Variants in CCSER1 observed in about 807,000 individuals in gnomAD.
CCSER1 encodes the protein serine-rich coiled-coil domain-containing protein 1.
A neutral mutation model predicts 82.0 loss-of-function variants in CCSER1; 41 were observed. That is an observed-to-expected ratio of 0.50 (90% CI 0.39 to 0.65). CCSER1 has a LOEUF of 0.65. Ranked by LOEUF, CCSER1 falls within the 30% of genes least tolerant of loss-of-function variation. The pLI, the probability that CCSER1 is intolerant of heterozygous loss-of-function variation, is 0.00. For synonymous variants in CCSER1, 414 were observed against 383.9 expected, an observed-to-expected ratio of 1.08 and a Z score of -0.92; for missense variants, 1,119 against 1,064.2, an observed-to-expected ratio of 1.05 and a Z score of -0.72.
intron 10 of CCSER1, among the ~76,000 whole-genome samples, chr4:91,587,275 C>T (rs1246419399): frequency 1.3e-5 from 2 of 151,738 alleles, no homozygotes; most frequent in Non-Finnish European, 2.9e-5. Context: ...AACATCAGGA[C>T]CTTTCAACAT....
In CCSER1 at chr4:90,807,080, C is replaced by T. The variant is rs1358049505; in HGVS notation, c.2011-8682C>T. On this transcript the variant is annotated intron_variant, in intron 7 of 10. Coordinates refer to ENST00000509176, the MANE Select transcript of CCSER1 (RefSeq NM_001145065.2). Reference sequence around the variant, plus strand: ...TAAGGTGGTTATAGTTTGGTGTCATCATCAACCTCCACAGAAATTTCCATG... The same window carrying T: ...TAAGGTGGTTATAGTTTGGTGTCATTATCAACCTCCACAGAAATTTCCATG... Among the ~76,000 whole-genome samples the T allele has an allele frequency of 2.6e-5, 4 of 152,160 alleles. No individual in the cohort carries two copies. In the East Asian group the frequency reaches 7.7e-4, roughly 29 times the overall value.
intron 5 of CCSER1, among the ~76,000 whole-genome samples, chr4:90,519,221 A>C (rs1772743587): frequency 6.6e-6 from 1 of 151,832 alleles, no homozygotes; most frequent in South Asian, 2.1e-4. Context: ...TCTACCTCTG[A>C]ATAATATAGT....
At chr4:90,786,196 A>G (rs994241439) in intron 7 of CCSER1, among the ~76,000 whole-genome samples, 2 of 152,210 alleles carry the variant, frequency 1.3e-5, no homozygotes, top group Admixed American at 1.3e-4. Context: ...GGGCACGTGG[A>G]AGCGCAACTG....
intron 1 of CCSER1, among the ~76,000 whole-genome samples, chr4:90,228,249 T>G (rs1273300813): frequency 4.6e-5 from 7 of 152,220 alleles, no homozygotes; most frequent in South Asian, 2.1e-4. Context: ...GAGAGCAGTG[T>G]TTCTCCCAGC....
intron 1 of CCSER1, among the ~76,000 whole-genome samples, chr4:90,271,863 T>TATATATA (rs61116868): frequency 3.7e-3 from 72 of 19,608 alleles, no homozygotes; most frequent in African/African-American, 6.9e-3. Context: ...TATATATATA[T>TATATATA]TTTTTTTTTT....
chr4:90,733,549 C>T lies in CCSER1; in HGVS notation c.2010+9558C>T, dbSNP rs143452384. ...TTTAACTTGATATGATCCCATCTAT[C>T]CAATTTTGCTTTGGTTGACTGTGGT... On this transcript the variant is annotated intron_variant, in intron 7 of 10. Coordinates refer to ENST00000509176, the MANE Select transcript of CCSER1 (RefSeq NM_001145065.2). Among the ~76,000 whole-genome samples the T allele has an allele frequency of 4.5e-3, 680 of 152,138 alleles. 7 individuals carry two copies. The highest frequency in any genetic ancestry group is 0.015 in the Admixed American group (233 of 15,268).
chr4:90,779,315 G>A (rs1390604210), intron 7 of CCSER1, among the ~76,000 whole-genome samples: 1 of 151,518 alleles, frequency 6.6e-6, no homozygotes, highest in Admixed American at 6.6e-5. Flanking sequence ...TCTTACTCAT[G>A]CTTCTTATTT....
At chr4:91,375,400 C>T (rs1437557939) in intron 10 of CCSER1, among the ~76,000 whole-genome samples, 2 of 152,084 alleles carry the variant, frequency 1.3e-5, no homozygotes, top group African/African-American at 2.4e-5. Context: ...TTGAGAGGAT[C>T]GGTTCCACTT....
intron 1 of CCSER1, among the ~76,000 whole-genome samples, chr4:90,201,153 T>A (rs1410436753): frequency 6.6e-6 from 1 of 152,204 alleles, no homozygotes. Context: ...TGGCTGTTCC[T>A]TACCATTCCT....
chr4:91,550,878 T>G (rs1377111358), intron 10 of CCSER1, among the ~76,000 whole-genome samples: 1 of 152,180 alleles, frequency 6.6e-6, no homozygotes. Flanking sequence ...TACATAGAAG[T>G]GTCCAAATTC....
At chr4:90,930,918 A>C (rs952496405) in intron 9 of CCSER1, among the ~76,000 whole-genome samples, 1 of 130,218 alleles carries the variant, frequency 7.7e-6, no homozygotes, top group African/African-American at 2.7e-5. Flanking sequence ...TTTTATATAT[A>C]TATATATATA....
intron 8 of CCSER1, among the ~76,000 whole-genome samples, chr4:90,845,378 AAAG>A (rs1435783610): frequency 1.3e-5 from 2 of 151,760 alleles, no homozygotes; most frequent in African/African-American, 4.8e-5. Context: ...AAAAAAAAAA[AAAG>A]AATATTTGTT....
chr4:91,156,915 A>G (rs1730876527), intron 10 of CCSER1, among the ~76,000 whole-genome samples: 1 of 151,912 alleles, frequency 6.6e-6, no homozygotes, highest in African/African-American at 2.4e-5. Context: ...ATACTCTTAT[A>G]GCAGTGATAC....
intron 10 of CCSER1, among the ~76,000 whole-genome samples, chr4:91,162,809 A>T (rs1731572439): frequency 6.6e-6 from 1 of 151,656 alleles, no homozygotes; most frequent in African/African-American, 2.4e-5. Context: ...TGTCTATTTG[A>T]TTATTCTCTT....
intron 10 of CCSER1, among the ~76,000 whole-genome samples, chr4:91,277,234 T>C (rs1742539483): frequency 6.6e-6 from 1 of 152,082 alleles, no homozygotes; most frequent in African/African-American, 2.4e-5. Flanking sequence ...TATAAGTTCT[T>C]AGAAAGTTTC....
intron 4 of CCSER1, among the ~76,000 whole-genome samples, chr4:90,446,946 C>G (rs1045712208): frequency 2.0e-5 from 3 of 152,162 alleles, no homozygotes; most frequent in African/African-American, 4.8e-5. Context: ...TTTCTTTTCT[C>G]TAGCTTACTA....
intron 10 of CCSER1, among the ~76,000 whole-genome samples, chr4:91,236,818 G>A (rs1178434931): frequency 6.6e-6 from 1 of 152,166 alleles, no homozygotes; most frequent in East Asian, 1.9e-4. Flanking sequence ...TAGACATTGG[G>A]AAGGTTTTGT....
intron 6 of CCSER1, among the ~76,000 whole-genome samples, chr4:90,631,913 T>G (rs1376872937): frequency 6.6e-6 from 1 of 152,118 alleles, no homozygotes; most frequent in African/African-American, 2.4e-5. Flanking sequence ...ATAAATGACT[T>G]TCATGTTTAG....
intron 10 of CCSER1, among the ~76,000 whole-genome samples, chr4:91,337,201 A>G (rs979498051): frequency 1.2e-4 from 19 of 152,150 alleles, no homozygotes; most frequent in African/African-American, 3.9e-4. Context: ...AGAGAAATTT[A>G]GAGACATTTA....
Sources: allele counts gnomAD v4.1 joint callset (sites outside exome capture counted in the v4.1 genomes callset), GRCh38; gene constraint gnomAD v4.1.1; transcripts MANE v1.5; gene names NCBI Gene and HGNC (gene_info 2026-07-23, HGNC 2026-07-21).